Variants in OCRL observed in about 807,000 individuals in gnomAD.
The protein encoded by OCRL is OCRL inositol polyphosphate-5-phosphatase.
A neutral mutation model predicts 78.9 loss-of-function variants in OCRL; 8 were observed. That is an observed-to-expected ratio of 0.10 (90% CI 0.06 to 0.18). OCRL has a LOEUF of 0.18. Ranked by LOEUF, OCRL falls within the 10% of genes least tolerant of loss-of-function variation. The pLI, the probability that OCRL is intolerant of heterozygous loss-of-function variation, is 1.00. For missense variants in OCRL, 454 were observed against 696.7 expected (o/e 0.65, Z 3.92); for synonymous variants, 240 against 235.4 (o/e 1.02, Z -0.18).
chrX:129,541,113 C>T (rs1453800550), intron 2 of OCRL, among the ~76,000 whole-genome samples: 1 of 112,229 alleles, frequency 8.9e-6, no homozygotes, highest in African/African-American at 3.2e-5. Flanking sequence ...TAACGTTGGG[C>T]AAGTCAATAA....
chrX:129,562,347 T>A (rs779107560), intron 10 of OCRL, 37 bp from the exon 11 acceptor site: 2 of 1,035,283 alleles, frequency 1.9e-6, no homozygotes, highest in Non-Finnish European at 2.7e-6. Flanking sequence ...AAGATTGGTA[T>A]TAACATTAAC....
In OCRL at chrX:129,589,937, C is replaced by T. The variant is rs184840261; in HGVS notation, c.2562C>T (p.Ser854=). ...TCTTAAAATTCTCTGAATACAATAG[C>T]GTCAATGCCAACATGATCGGTAAGA... ...RELLKFSEYN[S]VNANMIATLF... The change falls in exon 23 of 24, where the codon AGC becomes AGT. Residue 854 remains serine, a synonymous_variant. Transcript: ENST00000371113. 30 of 1,199,963 alleles carry T rather than the reference C, an allele frequency of 2.5e-5. No individual in the cohort carries two copies. Among genetic ancestry groups the T allele is most frequent in the Non-Finnish European group, 2.8e-5 (25 of 885,897 alleles).
intron 9 of OCRL, 51 bp from the exon 10 acceptor site, chrX:129,561,128 C>T: frequency 1.2e-6 from 1 of 800,546 alleles, no homozygotes. Context: ...CAGGAGGTAG[C>T]CAGAGATAAT....
At chrX:129,583,900 GGCTGGGGTGAGAAGAATGAAA>G (rs1273547836) in intron 18 of OCRL, among the ~76,000 whole-genome samples, 2 of 111,080 alleles carry the variant, frequency 1.8e-5, no homozygotes, top group Non-Finnish European at 3.8e-5. Flanking sequence ...TTAGGAGACT[GGCTGGGGTGAGAAGAATGAAA>G]ATGGAAAGTA....
At chrX:129,540,524 G>A (rs1228097826) in intron 1 of OCRL, 46 bp downstream of exon 1, 5 of 1,110,923 alleles carry the variant, frequency 4.5e-6, no homozygotes, top group Non-Finnish European at 6.0e-6. Context: ...CAGGGCCGGG[G>A]GTGGGGGTCG....
chrX:129,574,046 A>G (rs1312813059), intron 15 of OCRL, among the ~76,000 whole-genome samples: 1 of 112,054 alleles, frequency 8.9e-6, no homozygotes, highest in African/African-American at 3.2e-5. Flanking sequence ...TTTTGGGTAT[A>G]TACCCAGTAA....
rs145835715 is a variant in OCRL, at chrX:129,559,622, G to A, written c.722+621G>A. 1.3e-3 allele frequency among the ~76,000 whole-genome samples: 141 copies of A among 110,705 alleles called. 2 individuals carry two copies. Among genetic ancestry groups the A allele is most frequent in the East Asian group, 8.5e-3 (30 of 3,532 alleles). Reference sequence around the variant, plus strand: ...CCCCTAGCACATTCCATAAGCAAGCGTGTTTATATATCTGGCCTGTTAAGT... The same window carrying A: ...CCCCTAGCACATTCCATAAGCAAGCATGTTTATATATCTGGCCTGTTAAGT... On this transcript the variant is annotated intron_variant, in intron 8 of 23. Transcript: ENST00000371113.
intron 4 of OCRL, 63 bp from the exon 5 acceptor site, chrX:129,557,262 A>AT: frequency 1.0e-6 from 1 of 961,334 alleles, no homozygotes; most frequent in Non-Finnish European, 1.5e-6. Context: ...TAAGTTGAGA[A>AT]TATGATCCCA....
At chrX:129,577,625 C>G (rs749534416) in intron 18 of OCRL, among the ~76,000 whole-genome samples, 1 of 111,325 alleles carries the variant, frequency 9.0e-6, no homozygotes, top group African/African-American at 3.3e-5. Flanking sequence ...TGTCTGAGTC[C>G]GATCTGTTCT....
Position 129,540,469 on chromosome X carries a change from G to A in OCRL, c.30G>A (p.Gln10=). MEPPLPVGA[Q]PLATVEGMEM... is the part of the protein sequence containing the mutation. Reference sequence around the variant, plus strand: ...AGCCGCCGCTCCCGGTCGGAGCCCAGCCGCTTGCCGTATCCGCCGGAGAGA... The same window carrying A: ...AGCCGCCGCTCCCGGTCGGAGCCCAACCGCTTGCCGTATCCGCCGGAGAGA... The change falls in exon 1 of 24, where the codon CAG becomes CAA. Residue 10 remains glutamine (Q), a synonymous_variant. Transcript: ENST00000371113. 1 of 1,150,902 alleles carries A rather than the reference G, an allele frequency of 8.7e-7. No individual in the cohort carries two copies. The allele number at this position is 1,150,902 out of a possible 1,213,427, so 94.8% of individuals were successfully genotyped here.
intron 12 of OCRL, among the ~76,000 whole-genome samples, chrX:129,564,757 A>G (rs1368173972): frequency 1.8e-5 from 2 of 110,427 alleles, no homozygotes; most frequent in Non-Finnish European, 3.8e-5. Context: ...GCTTTAGGAG[A>G]TATACCTAAT....
Position 129,548,544 on chromosome X carries a change from CTT to C in OCRL, c.200-12_200-11del. 1 of 1,186,804 alleles carries C rather than the reference CTT, an allele frequency of 8.4e-7. No homozygotes were observed. Among genetic ancestry groups the C allele is most frequent in the Non-Finnish European group, 1.1e-6 (1 of 873,076 alleles). On this transcript the variant is annotated splice_polypyrimidine_tract_variant and intron_variant, in intron 3 of 23. Coordinates refer to ENST00000371113, the MANE Select transcript of OCRL (RefSeq NM_000276.4). Reference sequence around the variant, plus strand: ...GTTTTCTCTTCCCTAATCCTACTCTCTTTTTTTTCCCCTCTCAGAAGCAGAAG... The same window carrying C: ...GTTTTCTCTTCCCTAATCCTACTCTCTTTTTTCCCCTCTCAGAAGCAGAAG...
At chrX:129,573,010 A>AT (rs1491563168) in intron 15 of OCRL, among the ~76,000 whole-genome samples, 2 of 112,080 alleles carry the variant, frequency 1.8e-5, no homozygotes, top group East Asian at 5.6e-4. Flanking sequence ...ATAAAAAGAC[A>AT]TGTGCAAAAT....
chrX:129,569,182 C>G (rs1936262472), intron 14 of OCRL, 82 bp from the exon 15 acceptor site: 1 of 1,079,233 alleles, frequency 9.3e-7, no homozygotes, highest in Non-Finnish European at 1.3e-6. Context: ...ACAAGAGAGC[C>G]TAACCCTGAT....
chrX:129,589,062 A>G, intron 22 of OCRL, 49 bp downstream of exon 22: 2 of 1,197,818 alleles, frequency 1.7e-6, no homozygotes, highest in Non-Finnish European at 2.3e-6. Context: ...TGCCCCATAG[A>G]GAAGTCGTCA....
At chrX:129,565,414 A>C (rs112001191) in intron 12 of OCRL, among the ~76,000 whole-genome samples, 3,425 of 112,101 alleles carry the variant, frequency 0.031, 130 homozygotes, top group African/African-American at 0.1. Flanking sequence ...GAAAACGTTC[A>C]GATTCTCTTC....
At chrX:129,576,296 G>A (rs1569461783) in intron 17 of OCRL, 21 bp from the exon 18 acceptor site, 1 of 1,167,232 alleles carries the variant, frequency 8.6e-7, no homozygotes, top group East Asian at 3.0e-5. Context: ...CTATTACCAT[G>A]TATCATCTCT....
chrX:129,584,091 A>G (rs1315177470), intron 18 of OCRL, among the ~76,000 whole-genome samples: 2 of 112,482 alleles, frequency 1.8e-5, no homozygotes, highest in African/African-American at 6.5e-5. Context: ...AGGGCACTGA[A>G]GTCTAGAACT....
intron 4 of OCRL, chrX:129,553,401 A>G (rs1935993009): frequency 1.8e-5 from 2 of 112,105 alleles, no homozygotes; most frequent in African/African-American, 3.2e-5. Context: ...GGAGGGGAAT[A>G]TAGAGATGGA....
Sources: gnomAD v4.1 joint callset for allele counts (sites outside exome capture counted in the v4.1 genomes callset) on GRCh38, gnomAD v4.1.1 for gene constraint, MANE v1.5 for transcripts, NCBI Gene and HGNC (gene_info 2026-07-23, HGNC 2026-07-21) for gene names.